RAB22A: variants seen among roughly 807,000 people sequenced by gnomAD.
RAB22A encodes the protein ras-related protein Rab-22A.
In RAB22A, 13 loss-of-function variants were observed where a neutral mutation model predicts 30.2. The observed-to-expected ratio is 0.43, with a 90% CI of 0.28 to 0.68. The LOEUF is 0.68. RAB22A is among the 30% of genes least tolerant of loss of function. The pLI is 0.18. For missense variants in RAB22A, 177 were observed against 246.8 expected (o/e 0.72, Z 1.89); for synonymous variants, 89 against 87.2 (o/e 1.02, Z -0.11).
intron 2 of RAB22A, among the ~76,000 whole-genome samples, chr20:58,335,839 G>A (rs1317527266): frequency 6.6e-6 from 1 of 152,172 alleles, no homozygotes; most frequent in Non-Finnish European, 1.5e-5. Context: ...CTGCTACATA[G>A]ACTTGCTGAG....
intron 2 of RAB22A, among the ~76,000 whole-genome samples, chr20:58,328,941 G>A (rs1348629999): frequency 6.6e-6 from 1 of 152,074 alleles, no homozygotes; most frequent in African/African-American, 2.4e-5. Context: ...GTTTTCATCT[G>A]ATGACATTTA....
Position 58,363,202 on chromosome 20 carries a change from G to GAA in RAB22A, c.*3501_*3502dup, listed in dbSNP as rs1340519947. ...AATTGGCATGTCAGCCTCCAGCTCA[G>GAA]AAAGGCATTTGCTCATGGTTACAGG... On this transcript the variant is annotated 3_prime_UTR_variant, in exon 7 of 7. Coordinates refer to ENST00000244040, the MANE Select transcript of RAB22A (RefSeq NM_020673.3). 4 of 152,190 alleles carry GAA rather than the reference G, an allele frequency of 2.6e-5. No homozygotes were observed. The highest frequency in any genetic ancestry group is 5.9e-5 in the Non-Finnish European group (4 of 68,042). The allele number at this position is 152,190 out of a possible 1,614,324, so 9.4% of individuals were successfully genotyped here. A position where few individuals can be genotyped will look rare whatever the true frequency, so the allele number is the denominator to read the frequency against.
intron 2 of RAB22A, among the ~76,000 whole-genome samples, chr20:58,329,300 G>A (rs1434669294): frequency 6.6e-6 from 1 of 152,144 alleles, no homozygotes; most frequent in Non-Finnish European, 1.5e-5. Context: ...TGATCTGCCT[G>A]CCTCAGCATC....
chr20:58,353,352 T>A lies in RAB22A; in HGVS notation c.270+8T>A. 1 of 1,612,680 alleles carries A rather than the reference T, an allele frequency of 6.2e-7. No homozygotes were observed. The highest frequency in any genetic ancestry group is 8.5e-7 in the Non-Finnish European group (1 of 1,178,910). ...TATGATATCACAAAAGAAGTAAGAC[T>A]ATATAGTTTTCTTTAGATTGTTTTG... On this transcript the variant is annotated splice_region_variant and intron_variant, in intron 4 of 6. Coordinates refer to ENST00000244040, the MANE Select transcript of RAB22A (RefSeq NM_020673.3).
intron 2 of RAB22A, among the ~76,000 whole-genome samples, chr20:58,336,431 C>T (rs2122951149): frequency 6.6e-6 from 1 of 152,274 alleles, no homozygotes; most frequent in Middle Eastern, 3.4e-3. Flanking sequence ...TTGCCTACAT[C>T]ATCTGTCTCT....
chr20:58,317,288 G>A (rs1986361237), intron 2 of RAB22A, among the ~76,000 whole-genome samples: 1 of 151,666 alleles, frequency 6.6e-6, no homozygotes, highest in African/African-American at 2.4e-5. Flanking sequence ...GTTGAGATGG[G>A]GTTTCACCAT....
At chr20:58,333,896 G>C (rs1210391503) in intron 2 of RAB22A, among the ~76,000 whole-genome samples, 1 of 152,116 alleles carries the variant, frequency 6.6e-6, no homozygotes, top group African/African-American at 2.4e-5. Flanking sequence ...GTCTCTACAA[G>C]AGAATGAAAA....
chr20:58,358,353 C>T (rs2122973218), intron 6 of RAB22A, among the ~76,000 whole-genome samples: 1 of 152,250 alleles, frequency 6.6e-6, no homozygotes, highest in African/African-American at 2.4e-5. Context: ...ATTCTTCCTG[C>T]ATTTGTGCTA....
intron 2 of RAB22A, among the ~76,000 whole-genome samples, chr20:58,334,598 T>C (rs1568868753): frequency 6.6e-6 from 1 of 152,258 alleles, no homozygotes; most frequent in East Asian, 1.9e-4. Flanking sequence ...CTTCTGGTCA[T>C]TGGAGATGTC....
rs1253183823 is a variant in RAB22A at position 58,365,078 on chromosome 20, A to G, written c.*5375A>G. The stretch of plus-strand genomic sequence containing the variant: ...GGGCCTTTCTTAATTGACAGTTTTA[A>G]GCTGTAGACATTAATATTATAACAA... On this transcript the variant is annotated 3_prime_UTR_variant, in exon 7 of 7. Coordinates refer to ENST00000244040, the MANE Select transcript of RAB22A (RefSeq NM_020673.3). 1 of 152,120 alleles carries G rather than the reference A, an allele frequency of 6.6e-6. No homozygotes were observed. Among genetic ancestry groups the G allele is most frequent in the African/African-American group, 2.4e-5 (1 of 41,424 alleles). The allele number at this position is 152,120 out of a possible 1,614,324, so 9.4% of individuals were successfully genotyped here. A position where few individuals can be genotyped will look rare whatever the true frequency, so the allele number is the denominator to read the frequency against.
intron 3 of RAB22A, among the ~76,000 whole-genome samples, chr20:58,344,472 T>A (rs1164928114): frequency 6.6e-6 from 1 of 152,124 alleles, no homozygotes; most frequent in Non-Finnish European, 1.5e-5. Flanking sequence ...CACATCTGCC[T>A]CCTCCCCTTT....
intron 3 of RAB22A, among the ~76,000 whole-genome samples, chr20:58,344,013 ATTTT>A (rs1025841890): frequency 1.3e-5 from 2 of 152,196 alleles, no homozygotes; most frequent in African/African-American, 4.8e-5. Context: ...CACTGAGGGC[ATTTT>A]TATACCTTGC....
chr20:58,353,085 A>T (rs1218578680), intron 3 of RAB22A, among the ~76,000 whole-genome samples, 188 bp from the exon 4 acceptor site: 1 of 152,218 alleles, frequency 6.6e-6, no homozygotes. Context: ...TCTGAGAGAC[A>T]TTTCAGTGTT....
At chr20:58,317,997 A>G (rs150220337) in intron 2 of RAB22A, among the ~76,000 whole-genome samples, 292 of 152,270 alleles carry the variant, frequency 1.9e-3, no homozygotes, top group Non-Finnish European at 2.9e-3. Flanking sequence ...CTAGGACAAC[A>G]ATAGCACGAG....
At chr20:58,345,555 C>G (rs754078716) in intron 3 of RAB22A, 8 of 152,438 alleles carry the variant, frequency 5.2e-5, no homozygotes, top group Non-Finnish European at 1.0e-4. Flanking sequence ...GACCAGGATG[C>G]CCTGCATGGA....
chr20:58,316,782 C>G lies in RAB22A; in HGVS notation c.116+5660C>G, dbSNP rs147443645. 3.8e-3 allele frequency among the ~76,000 whole-genome samples: 579 copies of G among 152,322 alleles called. 3 individuals are homozygous for G. The highest frequency in any genetic ancestry group is 6.2e-3 in the Non-Finnish European group (423 of 68,036). On this transcript the variant is annotated intron_variant, in intron 2 of 6. Coordinates refer to ENST00000244040, the MANE Select transcript of RAB22A (RefSeq NM_020673.3). ...GTATGTCACTGAGCTCGTGAACTCT[C>G]TCTCAGAGGCTTGGATCTCTCCTCC... is the stretch of plus-strand genomic sequence containing the variant.
chr20:58,310,154 G>GT (rs1600719752), intron 1 of RAB22A, 142 bp downstream of exon 1: 1 of 867,724 alleles, frequency 1.2e-6, no homozygotes, highest in East Asian at 3.4e-5. Context: ...CCTCCAGCTC[G>GT]GGAGCCGTCC....
chr20:58,328,349 A>AT (rs993276597), intron 2 of RAB22A, among the ~76,000 whole-genome samples: 6 of 151,808 alleles, frequency 4.0e-5, no homozygotes, highest in Non-Finnish European at 7.4e-5. Flanking sequence ...ACATGGCTAA[A>AT]TTTTTTTTAT....
chr20:58,330,252 C>G (rs2122942927), intron 2 of RAB22A, among the ~76,000 whole-genome samples: 1 of 152,170 alleles, frequency 6.6e-6, no homozygotes, highest in African/African-American at 2.4e-5. Flanking sequence ...TAATATTTTT[C>G]CCCCAGTATT....
Sources: gnomAD v4.1 joint callset for allele counts (sites outside exome capture counted in the v4.1 genomes callset) on GRCh38, gnomAD v4.1.1 for gene constraint, MANE v1.5 for transcripts, NCBI Gene and HGNC (gene_info 2026-07-23, HGNC 2026-07-21) for gene names.